The following MAN1C1 variants were observed in gnomAD, a reference collection of about 807,000 sequenced individuals.
MAN1C1 encodes the protein mannosidase alpha class 1C member 1.
Under a neutral mutation model 71.5 loss-of-function variants are expected in MAN1C1, and 49 were observed. The observed-to-expected ratio is 0.69, with a 90% CI of 0.54 to 0.87. The LOEUF is 0.87. MAN1C1 is among the 40% of genes least tolerant of loss of function. MAN1C1 has a pLI of 0.00. For missense variants in MAN1C1, 743 were observed against 835.0 expected (o/e 0.89, Z 1.36); for synonymous variants, 352 against 343.7 (o/e 1.02, Z -0.27).
At chr1:25,646,205 C>G (rs796230649) in intron 1 of MAN1C1, 7 of 152,430 alleles carry the variant, frequency 4.6e-5, no homozygotes, top group African/African-American at 1.7e-4. Flanking sequence ...CCGTGCTGGT[C>G]CCCGCAGGGC....
intron 1 of MAN1C1, among the ~76,000 whole-genome samples, chr1:25,685,667 G>A (rs1318000224): frequency 1.3e-5 from 2 of 152,190 alleles, no homozygotes; most frequent in African/African-American, 4.8e-5. Context: ...AGTCCACATA[G>A]GAAGAACTTG....
chr1:25,641,861 G>A lies in MAN1C1; in HGVS notation c.540+23524G>A, dbSNP rs139805708. 1.3e-3 allele frequency among the ~76,000 whole-genome samples: 200 copies of A among 152,246 alleles called. 1 individual carries two copies. Among genetic ancestry groups the A allele is most frequent in the African/African-American group, 4.2e-3 (174 of 41,536 alleles). Reference sequence around the variant, plus strand: ...AGAGCAGACACTGTTTACATGATACGGATAAGCCATGAATTTATTAAAACT... The same window carrying A: ...AGAGCAGACACTGTTTACATGATACAGATAAGCCATGAATTTATTAAAACT... On this transcript the variant is annotated intron_variant, in intron 1 of 11. Coordinates refer to ENST00000374332, the MANE Select transcript of MAN1C1 (RefSeq NM_020379.4).
chr1:25,780,914 G>T, intron 9 of MAN1C1, 26 bp from the exon 10 acceptor site: 1 of 1,610,080 alleles, frequency 6.2e-7, no homozygotes, highest in Non-Finnish European at 8.5e-7. Context: ...GTCTGACCTG[G>T]GCCCTCTGCT....
chr1:25,750,083 C>T (rs72662666), intron 4 of MAN1C1, among the ~76,000 whole-genome samples: 14,821 of 152,242 alleles, frequency 0.097, 926 homozygotes, highest in East Asian at 0.23. Flanking sequence ...ATGGCCTTAG[C>T]GAGCTCCTTG....
intron 2 of MAN1C1, among the ~76,000 whole-genome samples, chr1:25,693,331 A>C (rs1287756708): frequency 1.3e-5 from 2 of 151,930 alleles, no homozygotes; most frequent in Non-Finnish European, 2.9e-5. Context: ...TGGCAGAGGC[A>C]GAAGAAAATC....
chr1:25,725,378 C>T lies in MAN1C1; in HGVS notation c.638-21290C>T, dbSNP rs2046818896. On this transcript the variant is annotated intron_variant, in intron 2 of 11. Transcript: ENST00000374332. This position sits in a 1 kb window ranked among gnomAD's most constrained non-coding sequence, Gnocchi z 4.8. ...TCTCTTCTTAGAGGAGGGATTCACA[C>T]GTAATTATGTGGTCAAAGTGCTACG... Among the ~76,000 whole-genome samples, 2 of 152,182 alleles carry T rather than the reference C, an allele frequency of 1.3e-5. No individual in the cohort carries two copies. The highest frequency in any genetic ancestry group is 4.1e-4 in the South Asian group (2 of 4,828).
At chr1:25,667,134 G>C (rs970858577) in intron 1 of MAN1C1, among the ~76,000 whole-genome samples, 1 of 152,172 alleles carries the variant, frequency 6.6e-6, no homozygotes, top group African/African-American at 2.4e-5. Flanking sequence ...TAGGAGGAGA[G>C]AGCTCAAAAT....
chr1:25,780,299 A>G (rs779307515), intron 9 of MAN1C1, among the ~76,000 whole-genome samples: 80 of 152,188 alleles, frequency 5.3e-4, no homozygotes, highest in Non-Finnish European at 4.0e-4. Context: ...AAAACCAAAC[A>G]GTGACAATGA....
chr1:25,696,514 A>G (rs1243720579), intron 2 of MAN1C1, among the ~76,000 whole-genome samples: 1 of 152,250 alleles, frequency 6.6e-6, no homozygotes, highest in Non-Finnish European at 1.5e-5. Flanking sequence ...TGGATTTTAC[A>G]TATAGTTACC....
rs185124627 is a variant in MAN1C1, at chr1:25,769,192, C to G, written c.1142-2465C>G. ...CACCCCACACATTACACACACTCGC[C>G]TCATGCACACACCCCACACACTACA... is the stretch of plus-strand genomic sequence containing the variant. On this transcript the variant is annotated intron_variant, in intron 7 of 11. Coordinates refer to ENST00000374332, the MANE Select transcript of MAN1C1 (RefSeq NM_020379.4). The surrounding 1 kb of genome is among the most constrained non-coding windows in gnomAD (Gnocchi z 4.8). 1.6e-3 allele frequency among the ~76,000 whole-genome samples: 243 copies of G among 150,846 alleles called. No homozygotes were observed. The highest frequency in any genetic ancestry group is 5.7e-3 in the African/African-American group (235 of 41,006).
At chr1:25,618,425 T>G in intron 1 of MAN1C1, 88 bp downstream of exon 1, 3 of 1,315,012 alleles carry the variant, frequency 2.3e-6, no homozygotes, top group Non-Finnish European at 3.1e-6. Context: ...TTCCCTTGCC[T>G]CAGTCACTCC....
intron 2 of MAN1C1, among the ~76,000 whole-genome samples, chr1:25,692,054 G>C (rs1454462641): frequency 1.3e-5 from 2 of 152,232 alleles, no homozygotes; most frequent in Non-Finnish European, 2.9e-5. Flanking sequence ...CCCTCATTTA[G>C]AGTTGAGGAA....
chr1:25,758,791 T>C, intron 6 of MAN1C1, 82 bp downstream of exon 6: 1 of 1,225,950 alleles, frequency 8.2e-7, no homozygotes, highest in Non-Finnish European at 1.2e-6. Context: ...GGCGAGTGGG[T>C]CCTCCCTCAT....
rs528000366 is a variant in MAN1C1 at position 25,709,053 on chromosome 1, A to G, written c.637+22517A>G. On this transcript the variant is annotated intron_variant, in intron 2 of 11. Transcript: ENST00000374332. ...TGAGACACAGCCGATGCCCACCGCC[A>G]TGCAGAAGCCTAACACCTACTAGGC... is the stretch of plus-strand genomic sequence containing the variant. Among the ~76,000 whole-genome samples, 7 of 152,290 alleles carry G rather than the reference A, an allele frequency of 4.6e-5. No individual in the cohort carries two copies. The East Asian group carries it at 9.6e-4, about 21-fold the overall frequency.
chr1:25,669,306 CAGTT>C (rs528252720), intron 1 of MAN1C1, among the ~76,000 whole-genome samples: 26 of 152,282 alleles, frequency 1.7e-4, no homozygotes, highest in African/African-American at 6.0e-4. Flanking sequence ...CTTGGGCACA[CAGTT>C]AGCTGTGTGT....
intron 1 of MAN1C1, among the ~76,000 whole-genome samples, chr1:25,680,116 G>T (rs1296375144): frequency 1.3e-5 from 2 of 151,932 alleles, no homozygotes; most frequent in Non-Finnish European, 2.9e-5. Flanking sequence ...AGGCTGGAGT[G>T]CAGTGGCGCA....
At chr1:25,763,382 A>G (rs948751102) in intron 6 of MAN1C1, among the ~76,000 whole-genome samples, 32 of 149,376 alleles carry the variant, frequency 2.1e-4, no homozygotes, top group African/African-American at 7.6e-4. Flanking sequence ...TCAGCTACTC[A>G]GGAGGCTGAG....
At chr1:25,777,276 C>T (rs898011803) in intron 8 of MAN1C1, among the ~76,000 whole-genome samples, 2 of 152,198 alleles carry the variant, frequency 1.3e-5, no homozygotes, top group African/African-American at 4.8e-5. Flanking sequence ...GGGCCAGGCC[C>T]CACCAGCCCA....
chr1:25,695,426 T>C (rs1255856645), intron 2 of MAN1C1, among the ~76,000 whole-genome samples: 1 of 152,150 alleles, frequency 6.6e-6, no homozygotes, highest in African/African-American at 2.4e-5. Context: ...GAGAACCTGC[T>C]GTTAGACAGA....
Sources: gnomAD v4.1 joint callset for allele counts (sites outside exome capture counted in the v4.1 genomes callset) on GRCh38, gnomAD v4.1.1 for gene constraint, Gnocchi (gnomAD v3.1) non-coding constraint, MANE v1.5 for transcripts, NCBI Gene and HGNC (gene_info 2026-07-23, HGNC 2026-07-21) for gene names.